Variants in GLG1 observed in about 807,000 individuals in gnomAD.
The protein encoded by GLG1 is Golgi apparatus protein 1.
Under a neutral mutation model 160.5 loss-of-function variants are expected in GLG1, and 38 were observed. The observed-to-expected ratio is 0.24, with a 90% confidence interval of 0.18 to 0.31. The LOEUF (loss-of-function observed/expected upper bound fraction) is 0.31. Among genes scored for constraint, GLG1 ranks in the 10% least tolerant of loss-of-function variants. The pLI, the probability that GLG1 is intolerant of heterozygous loss-of-function variation, is 1.00. For synonymous variants in GLG1, 644 were observed against 543.4 expected (o/e 1.19, Z -2.57); for missense variants, 1,373 against 1,505.2 (o/e 0.91, Z 1.45).
At chr16:74,559,355 G>A (rs2018442298) in intron 1 of GLG1, among the ~76,000 whole-genome samples, 2 of 151,732 alleles carry the variant, frequency 1.3e-5, no homozygotes, top group South Asian at 4.2e-4. Flanking sequence ...AGGGCAGGAG[G>A]ATCGTTTGAG....
Position 74,548,940 on chromosome 16 carries a change from G to A in GLG1, c.439-16787C>T, listed in dbSNP as rs571658172. On this transcript the variant is annotated intron_variant, in intron 1 of 25. Coordinates refer to ENST00000422840, the MANE Select transcript of GLG1 (RefSeq NM_001145667.2). ...GAACCCAGGAGGTGGAGGTTGCAGC[G>A]AGCTGAGATCACCTCACTGCACTCC... Among the ~76,000 whole-genome samples the A allele has an allele frequency of 1.5e-3, 227 of 152,056 alleles. 2 individuals carry two copies. In the South Asian group the frequency reaches 0.015, roughly 10 times the overall value.
At chr16:74,486,913 T>C (rs2015805623) in intron 8 of GLG1, among the ~76,000 whole-genome samples, 1 of 144,952 alleles carries the variant, frequency 6.9e-6, no homozygotes. Flanking sequence ...GGGGTAGAAA[T>C]CTTTTTTTTT....
At chr16:74,496,862 AAT>A (rs1228170960) in intron 4 of GLG1, among the ~76,000 whole-genome samples, 1 of 152,242 alleles carries the variant, frequency 6.6e-6, no homozygotes, top group Non-Finnish European at 1.5e-5. Context: ...CTTCAGTTAG[AAT>A]ATAATACTTG....
At chr16:74,456,814 T>G in intron 24 of GLG1, 59 bp from the exon 25 acceptor site, 47 of 1,014,168 alleles carry the variant, frequency 4.6e-5, no homozygotes, top group Middle Eastern at 4.1e-4. Context: ...GAGAAATTTC[T>G]GTAAAGATGA....
At chr16:74,512,272 T>A (rs1015540122) in intron 2 of GLG1, among the ~76,000 whole-genome samples, 2 of 138,066 alleles carry the variant, frequency 1.4e-5, no homozygotes, top group Non-Finnish European at 3.1e-5. Flanking sequence ...AGAATCCATA[T>A]TAAAAAAAAA....
chr16:74,582,219 T>C (rs1957953886), intron 1 of GLG1, among the ~76,000 whole-genome samples: 1 of 152,040 alleles, frequency 6.6e-6, no homozygotes. Flanking sequence ...CAGGGTGGAG[T>C]GCAATGGGGC....
chr16:74,496,922 T>A lies in GLG1; in HGVS notation c.775-278A>T, dbSNP rs191835569. On this transcript the variant is annotated intron_variant, in intron 4 of 25. Transcript: ENST00000422840. ...ATCCTGGAAAGTTTAAGTATTATAG[T>A]TTAGTTAGCACTAGAAATAAGAACC... 2.0e-5 allele frequency among the ~76,000 whole-genome samples: 3 copies of A among 152,318 alleles called. No individual in the cohort carries two copies. In the East Asian group the frequency reaches 5.8e-4, roughly 29 times the overall value.
intron 1 of GLG1, among the ~76,000 whole-genome samples, chr16:74,534,347 C>T (rs1003618154): frequency 9.4e-5 from 14 of 149,494 alleles, no homozygotes; most frequent in Admixed American, 6.0e-4. Flanking sequence ...CTACACTATC[C>T]TTTTAAAATC....
At chr16:74,592,023 G>C (rs1229426275) in intron 1 of GLG1, among the ~76,000 whole-genome samples, 1 of 152,174 alleles carries the variant, frequency 6.6e-6, no homozygotes, top group Non-Finnish European at 1.5e-5. Flanking sequence ...TGTATGTAGA[G>C]TTGGGCTCTC....
intron 1 of GLG1, among the ~76,000 whole-genome samples, chr16:74,534,692 T>C (rs2017638427): frequency 6.6e-6 from 1 of 152,114 alleles, no homozygotes; most frequent in Middle Eastern, 3.4e-3. Flanking sequence ...GGATTTTACA[T>C]CCAGATCCTC....
chr16:74,586,380 C>A (rs1272362686), intron 1 of GLG1, among the ~76,000 whole-genome samples: 1 of 152,112 alleles, frequency 6.6e-6, no homozygotes, highest in Non-Finnish European at 1.5e-5. Flanking sequence ...TGGTAAAGGG[C>A]TTATTATTAG....
intron 21 of GLG1, 24 bp from the exon 22 acceptor site, chr16:74,462,219 C>T (rs1253868712): frequency 1.6e-6 from 2 of 1,242,868 alleles, no homozygotes; most frequent in Non-Finnish European, 2.3e-6. Context: ...AGGGAGGATA[C>T]ATGGGCTGAT....
chr16:74,467,429 T>C (rs1401917174), intron 18 of GLG1, among the ~76,000 whole-genome samples: 1 of 152,180 alleles, frequency 6.6e-6, no homozygotes, highest in East Asian at 1.9e-4. Context: ...CGGTTAATTT[T>C]GGAGGTGCAG....
intron 1 of GLG1, among the ~76,000 whole-genome samples, chr16:74,571,082 A>G (rs770180775): frequency 6.6e-5 from 10 of 152,074 alleles, no homozygotes; most frequent in Non-Finnish European, 1.5e-4. Flanking sequence ...AAGTGCTTGT[A>G]CACTGGAGCT....
chr16:74,565,945 T>C (rs1296926764), intron 1 of GLG1, among the ~76,000 whole-genome samples: 1 of 152,214 alleles, frequency 6.6e-6, no homozygotes, highest in Non-Finnish European at 1.5e-5. Flanking sequence ...CATGCCTTCT[T>C]AGGCTCCTTG....
At chr16:74,457,264 G>A (rs965865530) in intron 24 of GLG1, among the ~76,000 whole-genome samples, 2 of 152,134 alleles carry the variant, frequency 1.3e-5, no homozygotes, top group African/African-American at 4.8e-5. Flanking sequence ...AGGCATGGTG[G>A]TGGGTGCCTG....
intron 1 of GLG1, among the ~76,000 whole-genome samples, chr16:74,567,257 C>A (rs567993129): frequency 1.3e-5 from 2 of 151,796 alleles, no homozygotes; most frequent in South Asian, 4.2e-4. Context: ...TTAGCTGTTT[C>A]TTTTGTTTTG....
At chr16:74,593,145 G>A (rs981137670) in intron 1 of GLG1, among the ~76,000 whole-genome samples, 1 of 152,072 alleles carries the variant, frequency 6.6e-6, no homozygotes, top group Admixed American at 6.6e-5. Flanking sequence ...AGAACCATGA[G>A]CCAAATAAAT....
At chr16:74,595,798 A>G (rs936477912) in intron 1 of GLG1, among the ~76,000 whole-genome samples, 4 of 152,174 alleles carry the variant, frequency 2.6e-5, no homozygotes, top group South Asian at 2.1e-4. Flanking sequence ...TTAACCCAAT[A>G]TATCGAAATT....
Sources: allele counts gnomAD v4.1 joint callset (sites outside exome capture counted in the v4.1 genomes callset), GRCh38; gene constraint gnomAD v4.1.1; transcripts MANE v1.5; gene names NCBI Gene and HGNC (gene_info 2026-07-23, HGNC 2026-07-21).